The following ALDH1A2 variants were observed in gnomAD, a reference collection of about 807,000 sequenced individuals.
The protein encoded by ALDH1A2 is aldehyde dehydrogenase 1 family member A2.
A neutral mutation model predicts 60.3 loss-of-function variants in ALDH1A2; 27 were observed. The ratio of observed to expected loss-of-function variants is 0.45; its 90% CI spans 0.33 to 0.62. The LOEUF (loss-of-function observed/expected upper bound fraction) is 0.62, where lower values mean the gene tolerates loss of function less well. Among genes scored for constraint, ALDH1A2 ranks in the 20% least tolerant of loss-of-function variants. The pLI is 0.02. For synonymous variants in ALDH1A2, 289 were observed against 232.4 expected (o/e 1.24, Z -2.21); for missense variants, 581 against 643.8 (o/e 0.90, Z 1.06).
At chr15:57,988,129 ACAG>A (rs1236122999) in intron 7 of ALDH1A2, among the ~76,000 whole-genome samples, 2 of 152,194 alleles carry the variant, frequency 1.3e-5, no homozygotes, top group African/African-American at 2.4e-5. Context: ...TAAAACAAAA[ACAG>A]CAGCAATGTA....
chr15:58,058,179 CAA>C, intron 1 of ALDH1A2: 1 of 1,014,958 alleles, frequency 9.9e-7, no homozygotes, highest in African/African-American at 1.6e-5. Flanking sequence ...CCTTCCCAGG[CAA>C]AGCCTTCCCC....
At chr15:57,998,582 G>A (rs1332217132) in intron 4 of ALDH1A2, among the ~76,000 whole-genome samples, 1 of 152,108 alleles carries the variant, frequency 6.6e-6, no homozygotes, top group African/African-American at 2.4e-5. Context: ...AACATTCCAT[G>A]CTCATGGATA....
chr15:57,965,597 A>C (rs1356143369), intron 8 of ALDH1A2, 128 bp downstream of exon 8: 2 of 799,968 alleles, frequency 2.5e-6, no homozygotes, highest in Admixed American at 1.9e-5. Flanking sequence ...TTTTCTCCTT[A>C]GAGGAGATCT....
At chr15:58,006,561 T>C (rs145310953) in intron 4 of ALDH1A2, among the ~76,000 whole-genome samples, 1 of 152,102 alleles carries the variant, frequency 6.6e-6, no homozygotes, top group Non-Finnish European at 1.5e-5. Context: ...CAAATGGTAG[T>C]GCCACTTTTA....
intron 4 of ALDH1A2, among the ~76,000 whole-genome samples, chr15:58,002,429 C>T (rs1259276423): frequency 6.6e-6 from 1 of 151,844 alleles, no homozygotes. Flanking sequence ...TCAAGGCAAA[C>T]ATTACTTCTT....
chr15:58,021,937 C>A (rs1158623245), intron 1 of ALDH1A2, among the ~76,000 whole-genome samples: 1 of 152,200 alleles, frequency 6.6e-6, no homozygotes. Context: ...TAGGTGCAGG[C>A]TACCGCCACC....
chr15:57,973,913 A>G (rs1005395777), intron 7 of ALDH1A2, among the ~76,000 whole-genome samples: 1 of 152,196 alleles, frequency 6.6e-6, no homozygotes, highest in Admixed American at 6.5e-5. Context: ...AAGCAAAACA[A>G]TTCAAAGACC....
Position 58,053,922 on chromosome 15 carries a change from C to A in ALDH1A2, c.117+11612G>T, listed in dbSNP as rs553941451. On this transcript the variant is annotated intron_variant, in intron 1 of 12. Transcript: ENST00000249750. ...CTTTTAAGAGTACACCAATAAATAC[C>A]CATTTGTGAAGGTTAATTTAATGCA... 3.3e-5 allele frequency among the ~76,000 whole-genome samples: 5 copies of A among 152,152 alleles called. No individual in the cohort carries two copies. The East Asian group carries it at 5.8e-4, about 18-fold the overall frequency.
chr15:58,028,934 C>G (rs1408698500), intron 1 of ALDH1A2, among the ~76,000 whole-genome samples: 2 of 152,116 alleles, frequency 1.3e-5, no homozygotes, highest in Non-Finnish European at 2.9e-5. Context: ...GACTTAGACT[C>G]CCACACAATA....
chr15:57,964,017 C>G lies in ALDH1A2; in HGVS notation c.954G>C (p.Gln318His). The G allele has an allele frequency of 1.2e-6, 2 of 1,614,172 alleles. No individual in the cohort carries two copies. Among genetic ancestry groups the G allele is most frequent in the Non-Finnish European group, 1.7e-6 (2 of 1,180,028 alleles). ...AGATGCGAGAGCCTGCAGTGCAGCA[C>G]TGACCTTGATTGAAGAACACACCCT... ...AHQGVFFNQG[Q>H]CCTAGSRIFV... Residue 318 changes from glutamine to histidine, a missense_variant, in exon 9 of 13, where the codon CAG (glutamine) becomes CAC (histidine). Gln to His is a conservative substitution (Grantham distance 24, BLOSUM62 0). Transcript: ENST00000249750.
intron 4 of ALDH1A2, among the ~76,000 whole-genome samples, chr15:58,006,410 G>T (rs936671330): frequency 1.3e-5 from 2 of 151,864 alleles, no homozygotes; most frequent in African/African-American, 4.8e-5. Flanking sequence ...TTATCCACTC[G>T]TTGGCTGACG....
At chr15:57,982,360 C>T (rs551755630) in intron 7 of ALDH1A2, among the ~76,000 whole-genome samples, 1 of 152,222 alleles carries the variant, frequency 6.6e-6, no homozygotes, top group South Asian at 2.1e-4. Flanking sequence ...ATCTTGATTC[C>T]TTTAGTATGA....
intron 4 of ALDH1A2, among the ~76,000 whole-genome samples, chr15:58,002,388 T>C (rs560201397): frequency 6.6e-6 from 1 of 152,086 alleles, no homozygotes; most frequent in Admixed American, 6.6e-5. Flanking sequence ...AAATATTTAA[T>C]TAGAAAAATT....
intron 1 of ALDH1A2, among the ~76,000 whole-genome samples, chr15:58,050,843 C>T (rs1896756560): frequency 6.6e-6 from 1 of 152,128 alleles, no homozygotes; most frequent in South Asian, 2.1e-4. Flanking sequence ...ATGTCTCAAA[C>T]CACTATGTTT....
In ALDH1A2 at chr15:58,010,743, C is replaced by T; in HGVS notation, c.399G>A (p.Leu133=). Residue 133 remains leucine, a synonymous_variant, in exon 4 of 13, where the codon CTG becomes CTA. Coordinates refer to ENST00000249750, the MANE Select transcript of ALDH1A2 (RefSeq NM_003888.4). ...MESLNGGKPF[L]QAFYVDLQGV... ...CCTGCAAATCCACATAAAAAGCTTG[C>T]AGGAATGGTTTGCCACCATTTAGGG... 3.1e-6 allele frequency: 5 copies of T among 1,613,422 alleles called. No homozygotes were observed. In the South Asian group the frequency reaches 4.4e-5, roughly 14 times the overall value.
At chr15:58,035,509 T>C (rs746601147) in intron 1 of ALDH1A2, among the ~76,000 whole-genome samples, 2 of 151,656 alleles carry the variant, frequency 1.3e-5, no homozygotes, top group East Asian at 1.9e-4. Flanking sequence ...TCTAGTTTCC[T>C]AAAAAAGCTT....
intron 7 of ALDH1A2, among the ~76,000 whole-genome samples, chr15:57,986,457 T>G (rs887094273): frequency 1.3e-5 from 2 of 149,872 alleles, no homozygotes; most frequent in Non-Finnish European, 2.9e-5. Flanking sequence ...GTAACTTAAC[T>G]ACCTTTTAGG....
At position 57,954,093 on chromosome 15, in the gene ALDH1A2, A is replaced by G. The variant is rs1243385835; in HGVS notation, c.*1104T>C. 6.6e-6 allele frequency: 1 copy of G among 152,406 alleles called. No homozygotes were observed. The highest frequency in any genetic ancestry group is 1.9e-4 in the East Asian group (1 of 5,336). 9.4% of individuals were successfully genotyped at this position (152,406 alleles called of 1,614,324 possible). ...AGTCCTGGCACAATGGAACTTGGCA[A>G]ATGGAAAAGGAAACCCCTAGGCTTG... On this transcript the variant is annotated 3_prime_UTR_variant, in exon 13 of 13. Coordinates refer to ENST00000249750, the MANE Select transcript of ALDH1A2 (RefSeq NM_003888.4).
Position 57,954,379 on chromosome 15 carries a change from A to G in ALDH1A2, c.*818T>C, listed in dbSNP as rs1390256304. On this transcript the variant is annotated 3_prime_UTR_variant, in exon 13 of 13. Coordinates refer to ENST00000249750, the MANE Select transcript of ALDH1A2 (RefSeq NM_003888.4). ...GTTGGTTCTAAGAAAAACTTTGGAA[A>G]AGATCTTATCTAGCTATGAAAAACA... 1 of 152,788 alleles carries G rather than the reference A, an allele frequency of 6.5e-6. No homozygotes were observed. Among genetic ancestry groups the G allele is most frequent in the Non-Finnish European group, 1.5e-5 (1 of 68,048 alleles). The allele number at this position is 152,788 out of a possible 1,614,324, so 9.5% of individuals were successfully genotyped here.
Sources: allele counts gnomAD v4.1 joint callset (sites outside exome capture counted in the v4.1 genomes callset), GRCh38; gene constraint gnomAD v4.1.1; transcripts MANE v1.5; gene names NCBI Gene and HGNC (gene_info 2026-07-23, HGNC 2026-07-21).